Variants in NBPF3 observed in about 807,000 individuals in gnomAD.
NBPF3 encodes the protein NBPF member 3.
A neutral mutation model predicts 78.1 loss-of-function variants in NBPF3; 57 were observed. The observed-to-expected ratio is 0.73, with a 90% CI of 0.59 to 0.91. NBPF3 has a LOEUF of 0.91. NBPF3 is among the 40% of genes least tolerant of loss of function. NBPF3 has a pLI of 0.00. For missense variants in NBPF3, 510 were observed against 715.3 expected, an observed-to-expected ratio of 0.71 and a Z score of 3.27; for synonymous variants, 182 against 271.7, an observed-to-expected ratio of 0.67 and a Z score of 3.25.
chr1:21,479,816 C>CTG (rs1476158141), intron 10 of NBPF3, among the ~76,000 whole-genome samples: 1 of 45,670 alleles, frequency 2.2e-5, no homozygotes, highest in African/African-American at 4.5e-5. Context: ...CTCTCTCTCT[C>CTG]TCTCTGTGTG....
chr1:21,477,493 T>C (rs1405115764), intron 8 of NBPF3, among the ~76,000 whole-genome samples: 1 of 152,196 alleles, frequency 6.6e-6, no homozygotes, highest in African/African-American at 2.4e-5. Flanking sequence ...TTGATTCCTT[T>C]CTGTTTGTTA....
At chr1:21,457,507 A>C (rs997464867) in intron 2 of NBPF3, among the ~76,000 whole-genome samples, 1 of 152,154 alleles carries the variant, frequency 6.6e-6, no homozygotes, top group Non-Finnish European at 1.5e-5. Flanking sequence ...AAGAAGATAC[A>C]TAAATGGTCA....
At chr1:21,437,724 G>C (rs1234562731), upstream of NBPF3, among the ~76,000 whole-genome samples, 4 of 151,694 alleles carry the variant, frequency 2.6e-5, no homozygotes, top group Non-Finnish European at 5.9e-5. Flanking sequence ...GCGAGATCTC[G>C]GCTCACTGCA....
At chr1:21,470,943 T>C (rs1642554083) in intron 4 of NBPF3, among the ~76,000 whole-genome samples, 2 of 152,212 alleles carry the variant, frequency 1.3e-5, no homozygotes, top group Admixed American at 1.3e-4. Context: ...CCTTATTTTC[T>C]GTTTTTCAAA....
chr1:21,468,969 T>C (rs1642438435), intron 3 of NBPF3, 72 bp downstream of exon 3: 1 of 1,191,836 alleles, frequency 8.4e-7, no homozygotes, highest in Non-Finnish European at 1.2e-6. Flanking sequence ...AACTAAATGC[T>C]CTCTCCATCA....
chr1:21,446,794 G>T (rs1373783522), intron 2 of NBPF3, among the ~76,000 whole-genome samples: 1 of 151,962 alleles, frequency 6.6e-6, no homozygotes, highest in African/African-American at 2.4e-5. Context: ...ATTTGTGGGT[G>T]CCACTGGGGC....
chr1:21,458,749 C>T (rs1416287596), intron 2 of NBPF3, among the ~76,000 whole-genome samples: 3 of 152,134 alleles, frequency 2.0e-5, no homozygotes, highest in Non-Finnish European at 4.4e-5. Flanking sequence ...TCCTTGAGGC[C>T]GAGGGCTGAA....
chr1:21,471,601 G>A lies in NBPF3; in HGVS notation c.479G>A (p.Arg160Gln), dbSNP rs1460842051. Residue 160 changes from arginine to glutamine, a missense_variant, in exon 5 of 15, where the codon CGA becomes CAA. Arg to Gln is a conservative substitution (Grantham distance 43). Coordinates refer to ENST00000318249, the MANE Select transcript of NBPF3 (RefSeq NM_032264.6). ...AAAGTCCTGGTTCACTCTCAGGAAC[G>A]AGAGCTGACCCAGTTAAGGGAGAAG... ...QYKVLVHSQERELTQLREKLQ... is the reference protein window; with the variant it reads ...QYKVLVHSQEQELTQLREKLQ... 7 of 1,611,990 alleles carry A rather than the reference G, an allele frequency of 4.3e-6. No homozygotes were observed. Among genetic ancestry groups the A allele is most frequent in the Non-Finnish European group, 5.1e-6 (6 of 1,179,800 alleles).
chr1:21,455,016 A>G (rs1411768739), intron 2 of NBPF3, among the ~76,000 whole-genome samples: 1 of 152,112 alleles, frequency 6.6e-6, no homozygotes, highest in East Asian at 1.9e-4. Flanking sequence ...TGACTGTAGG[A>G]CTGAGATCTC....
intron 1 of NBPF3, among the ~76,000 whole-genome samples, chr1:21,444,425 A>G (rs554122660): frequency 4.7e-4 from 71 of 152,374 alleles, no homozygotes; most frequent in African/African-American, 1.5e-3. Flanking sequence ...TTCCAAAGAT[A>G]GTTCAATAAG....
chr1:21,474,210 C>CT (rs11453851), intron 7 of NBPF3, among the ~76,000 whole-genome samples: 97,629 of 143,852 alleles, frequency 0.68, 34,027 homozygotes, highest in East Asian at 0.97. Context: ...TTTTCTTTTT[C>CT]TTTTTTTTTT....
At chr1:21,462,432 A>T (rs1286602480) in intron 2 of NBPF3, among the ~76,000 whole-genome samples, 1 of 152,152 alleles carries the variant, frequency 6.6e-6, no homozygotes, top group Non-Finnish European at 1.5e-5. Flanking sequence ...ACTCTATGCA[A>T]ATTTTACCTC....
At chr1:21,473,029 A>G in intron 6 of NBPF3, 114 bp downstream of exon 6, 1 of 842,914 alleles carries the variant, frequency 1.2e-6, no homozygotes, top group Non-Finnish European at 2.0e-6. Context: ...CCTTGGCCAC[A>G]GTATGAGAAA....
chr1:21,459,027 A>C (rs1641795604), intron 2 of NBPF3, among the ~76,000 whole-genome samples: 4 of 152,248 alleles, frequency 2.6e-5, no homozygotes, highest in Non-Finnish European at 4.4e-5. Context: ...TTACATGCTT[A>C]AGAATACATG....
At chr1:21,467,788 A>G (rs7531244) in intron 2 of NBPF3, among the ~76,000 whole-genome samples, 8,730 of 152,320 alleles carry the variant, frequency 0.057, 305 homozygotes, top group African/African-American at 0.098. Flanking sequence ...AATGACATCC[A>G]TAAGTGACGA....
chr1:21,439,995 C>G (rs1318273856), upstream of NBPF3: 3 of 152,328 alleles, frequency 2.0e-5, no homozygotes, highest in African/African-American at 7.2e-5. Context: ...CGCAGGGCCC[C>G]TAACCTGCTC....
rs757672572 is a variant in NBPF3, at chr1:21,473,507, G to T, written c.862G>T (p.Glu288Ter). The change falls in exon 7 of 15, where the codon GAG (glutamate) becomes TAG (stop). Residue 288 changes from glutamate to a stop codon, truncating the protein, a stop_gained. Transcript: ENST00000318249. LOFTEE classifies it high-confidence loss of function. ...QPYGNTRITFEEDQVDSTLID... is the reference protein window; with the variant it reads ...QPYGNTRITF ...TTACGGGAACACCAGAATCACATTTGAGGAAGACCAAGTCGACTCAACTCT... is the reference window on the plus strand; with the variant it reads ...TTACGGGAACACCAGAATCACATTTTAGGAAGACCAAGTCGACTCAACTCT... 9 of 1,614,052 alleles carry T rather than the reference G, an allele frequency of 5.6e-6. No individual in the cohort carries two copies. Among genetic ancestry groups the T allele is most frequent in the Non-Finnish European group, 5.9e-6 (7 of 1,180,038 alleles).
At chr1:21,437,414 G>T, upstream of NBPF3, 5 of 1,151,024 alleles carry the variant, frequency 4.3e-6, no homozygotes, top group Non-Finnish European at 6.0e-6. Flanking sequence ...GCTCTCAAAC[G>T]TAGGCCTAGA....
intron 2 of NBPF3, among the ~76,000 whole-genome samples, chr1:21,452,409 CT>C (rs1354745730): frequency 1.3e-5 from 2 of 152,184 alleles, no homozygotes; most frequent in East Asian, 3.9e-4. Flanking sequence ...AACAAAGTAG[CT>C]GAAAAGGAAC....
Sources: allele counts gnomAD v4.1 joint callset (sites outside exome capture counted in the v4.1 genomes callset), GRCh38; gene constraint gnomAD v4.1.1; transcripts MANE v1.5; gene names NCBI Gene and HGNC (gene_info 2026-07-23, HGNC 2026-07-21).